The following MON2 variants were observed in gnomAD, a reference collection of about 807,000 sequenced individuals.
MON2 encodes protein MON2 homolog.
A neutral mutation model predicts 208.6 loss-of-function variants in MON2; 84 were observed. The ratio of observed to expected loss-of-function variants is 0.40; its 90% CI spans 0.34 to 0.48. MON2 has a LOEUF of 0.48. MON2 is among the 20% of genes least tolerant of loss of function. The pLI, the probability that MON2 is intolerant of heterozygous loss-of-function variation, is 0.59. For missense variants in MON2, 1,611 were observed against 2,015.4 expected (o/e 0.80, Z 3.84); for synonymous variants, 660 against 694.0 (o/e 0.95, Z 0.77).
At chr12:62,524,973 GT>G in intron 9 of MON2, 110 bp from the exon 10 acceptor site, 1 of 942,544 alleles carries the variant, frequency 1.1e-6, no homozygotes, top group South Asian at 1.9e-5. Context: ...AATGAAGAAT[GT>G]TTTAGTATAG....
At chr12:62,587,915 T>A in intron 33 of MON2, 159 bp from the exon 34 acceptor site, 1 of 527,086 alleles carries the variant, frequency 1.9e-6, no homozygotes, top group Non-Finnish European at 3.4e-6. Context: ...ATAAAATGAT[T>A]TTTACTTTTA....
In MON2 at chr12:62,561,055, A is replaced by C; in HGVS notation, c.3974A>C (p.Glu1325Ala). Residue 1325 changes from glutamate to alanine, a missense_variant, in exon 26 of 35, where the codon GAA becomes GCA. By Grantham distance (107) the Glu-to-Ala change is moderately radical. Coordinates refer to ENST00000393630, the MANE Select transcript of MON2 (RefSeq NM_015026.3). ...ASPFILPSYT[E>A]AVLTSLQEAV... is the part of the protein sequence containing the mutation. ...CCTTTTATTCTTCCATCTTATACCGAAGCAGTTTTGACAAGTTTACAGGAA... is the reference window on the plus strand; with the variant it reads ...CCTTTTATTCTTCCATCTTATACCGCAGCAGTTTTGACAAGTTTACAGGAA... 6.2e-7 allele frequency: 1 copy of C among 1,613,342 alleles called. No homozygotes were observed. Among genetic ancestry groups the C allele is most frequent in the Non-Finnish European group, 8.5e-7 (1 of 1,179,540 alleles).
chr12:62,516,008 G>A (rs1445101253), intron 8 of MON2, among the ~76,000 whole-genome samples: 2 of 152,106 alleles, frequency 1.3e-5, no homozygotes, highest in Non-Finnish European at 2.9e-5. Context: ...CCAAGATTTA[G>A]TAGCAACCAA....
intron 3 of MON2, among the ~76,000 whole-genome samples, chr12:62,494,365 C>T (rs961695226): frequency 6.6e-6 from 1 of 151,960 alleles, no homozygotes; most frequent in African/African-American, 2.4e-5. Flanking sequence ...GACTCTCTTT[C>T]CTAGATTATA....
Position 62,551,411 on chromosome 12 carries a change from T to G in MON2, c.2917-1470T>G, listed in dbSNP as rs571137686. ...CCTGACGATGAAACAGTCAGAAAAC[T>G]CACATTAAGTTTGCCATCTTACATA... is the stretch of plus-strand genomic sequence containing the variant. On this transcript the variant is annotated intron_variant, in intron 23 of 34. Transcript: ENST00000393630. Among the ~76,000 whole-genome samples the G allele has an allele frequency of 1.4e-4, 21 of 152,074 alleles. 2 individuals carry two copies. The South Asian group carries it at 4.4e-3, about 32-fold the overall frequency.
chr12:62,488,258 G>C (rs970648291), intron 2 of MON2, among the ~76,000 whole-genome samples: 1 of 152,122 alleles, frequency 6.6e-6, no homozygotes, highest in Non-Finnish European at 1.5e-5. Context: ...GTATAGAGAG[G>C]GTTGTTATGG....
At chr12:62,519,096 C>CT (rs1257364390) in intron 8 of MON2, among the ~76,000 whole-genome samples, 6 of 152,076 alleles carry the variant, frequency 3.9e-5, no homozygotes, top group African/African-American at 7.2e-5. Flanking sequence ...TCTTTTATTA[C>CT]TTTTTTTGCA....
At chr12:62,556,328 C>G in intron 25 of MON2, 136 bp downstream of exon 25, 1 of 847,492 alleles carries the variant, frequency 1.2e-6, no homozygotes, top group Non-Finnish European at 1.8e-6. Flanking sequence ...TGTTTTCATT[C>G]GTTTGTACCT....
chr12:62,484,051 GGTGGTAGGGTA>G (rs1476983449), intron 1 of MON2, 108 bp from the exon 2 acceptor site: 1 of 688,448 alleles, frequency 1.5e-6, no homozygotes, highest in Non-Finnish European at 2.6e-6. Flanking sequence ...AAATTAAAAA[GGTGGTAGGGTA>G]GTGACTGACT....
chr12:62,530,861 G>A (rs2072604062), intron 11 of MON2, among the ~76,000 whole-genome samples: 1 of 152,172 alleles, frequency 6.6e-6, no homozygotes, highest in Admixed American at 6.5e-5. Context: ...CCAACAATGT[G>A]TGAGGAGGGT....
At position 62,560,609 on chromosome 12, in the gene MON2, G is replaced by A. The variant is rs374782840; in HGVS notation, c.3528G>A (p.Val1176=). The change falls in exon 26 of 35, where the codon GTG becomes GTA. Residue 1176 remains valine (V), a synonymous_variant. Coordinates refer to ENST00000393630, the MANE Select transcript of MON2 (RefSeq NM_015026.3). ...LKSFQEILQI[V]SPVRDSDKPE... The stretch of plus-strand genomic sequence containing the variant: ...GCTTCCAGGAAATTTTACAGATTGT[G>A]TCCCCTGTCAGAGACTCAGATAAGC... 3.1e-6 allele frequency: 5 copies of A among 1,613,906 alleles called. No homozygotes were observed. The highest frequency in any genetic ancestry group is 1.3e-5 in the African/African-American group (1 of 74,890).
intron 30 of MON2, among the ~76,000 whole-genome samples, chr12:62,575,129 A>G (rs956305358): frequency 6.6e-6 from 1 of 152,212 alleles, no homozygotes; most frequent in Non-Finnish European, 1.5e-5. Flanking sequence ...CTGTCTCAAC[A>G]AAGAAAGATG....
rs1387051222 is a variant in MON2 at position 62,577,878 on chromosome 12, C to A, written c.4515-567C>A. ...TCTTATGAGCCACAGAGTCTGGAATCCACCTTGGTTCTCTCAGAACTATTG... is the reference window on the plus strand; with the variant it reads ...TCTTATGAGCCACAGAGTCTGGAATACACCTTGGTTCTCTCAGAACTATTG... On this transcript the variant is annotated intron_variant, in intron 30 of 34. Transcript: ENST00000393630. 5.3e-5 allele frequency among the ~76,000 whole-genome samples: 8 copies of A among 152,188 alleles called. No individual in the cohort carries two copies. The East Asian group carries it at 9.7e-4, about 18-fold the overall frequency.
chr12:62,499,622 G>A (rs895380312), intron 5 of MON2, among the ~76,000 whole-genome samples: 3 of 151,870 alleles, frequency 2.0e-5, no homozygotes, highest in Non-Finnish European at 4.4e-5. Flanking sequence ...GCCTGTAATC[G>A]TAGCATTTTG....
At position 62,492,413 on chromosome 12, in the gene MON2, G is replaced by A. The variant is rs189377419; in HGVS notation, c.176-1502G>A. ...GGAGTCTCGCTCTGTCGCCCAGGCC[G>A]GACTGCGGACTGCGGTGGCGCAATC... is the stretch of plus-strand genomic sequence containing the variant. On this transcript the variant is annotated intron_variant, in intron 2 of 34. Transcript: ENST00000393630. Among the ~76,000 whole-genome samples the A allele has an allele frequency of 3.6e-3, 469 of 132,076 alleles. 4 individuals carry two copies. Among genetic ancestry groups the A allele is most frequent in the Non-Finnish European group, 5.7e-3 (372 of 64,880 alleles). The allele number at this position is 132,076 out of a possible 152,430, so 86.6% of individuals were successfully genotyped here.
intron 2 of MON2, among the ~76,000 whole-genome samples, chr12:62,490,443 G>A (rs1446197373): frequency 2.0e-5 from 3 of 151,842 alleles, no homozygotes; most frequent in African/African-American, 7.3e-5. Context: ...TAAAATCTCA[G>A]TCTGTAGGAA....
Position 62,535,653 on chromosome 12 carries a change from C to T in MON2, c.1844C>T (p.Pro615Leu). The stretch of plus-strand genomic sequence containing the variant: ...GCAATATGCAAAGGTTCCCTGCCTC[C>T]CCATTATGCTCTTACTGTATTGAAT... ...ITAICKGSLPPHYALTVLNTT... is the reference protein window; with the variant it reads ...ITAICKGSLPLHYALTVLNTT... Residue 615 changes from proline to leucine, a missense_variant, in exon 14 of 35, where the codon CCC becomes CTC. Pro to Leu is a moderately conservative substitution (Grantham distance 98). Transcript: ENST00000393630. The T allele has an allele frequency of 4.3e-6, 7 of 1,613,674 alleles. No homozygotes were observed. The highest frequency in any genetic ancestry group is 5.9e-6 in the Non-Finnish European group (7 of 1,179,790).
At chr12:62,520,303 C>T (rs1486170530) in intron 8 of MON2, among the ~76,000 whole-genome samples, 1 of 152,060 alleles carries the variant, frequency 6.6e-6, no homozygotes, top group Non-Finnish European at 1.5e-5. Context: ...ATATCACCAC[C>T]ATATATCAGA....
chr12:62,513,694 C>T (rs2071533553), intron 8 of MON2, among the ~76,000 whole-genome samples: 1 of 149,218 alleles, frequency 6.7e-6, no homozygotes, highest in Non-Finnish European at 1.5e-5. Context: ...CGCCTGTAAT[C>T]CCAGCACTTT....
Sources: allele counts gnomAD v4.1 joint callset (sites outside exome capture counted in the v4.1 genomes callset), GRCh38; gene constraint gnomAD v4.1.1; transcripts MANE v1.5; gene names NCBI Gene and HGNC (gene_info 2026-07-23, HGNC 2026-07-21).